CAMK2A: variants seen among roughly 807,000 people sequenced by gnomAD.
CAMK2A encodes the protein calcium/calmodulin-dependent protein kinase type II subunit alpha.
In CAMK2A, 7 loss-of-function variants were observed where a neutral mutation model predicts 79.2. That is an observed-to-expected ratio of 0.09 (90% CI 0.05 to 0.17). The LOEUF is 0.17. Among genes scored for constraint, CAMK2A ranks in the 10% least tolerant of loss-of-function variants. The probability of loss-of-function intolerance (pLI) is 1.00; values close to 1 mark genes in which losing one functional copy is unlikely to be tolerated. For synonymous variants in CAMK2A, 242 were observed against 251.7 expected, an observed-to-expected ratio of 0.96 and a Z score of 0.36; for missense variants, 214 against 646.4, an observed-to-expected ratio of 0.33 and a Z score of 7.25.
At chr5:150,263,863 G>A (rs1359030885) in intron 3 of CAMK2A, among the ~76,000 whole-genome samples, 1 of 152,222 alleles carries the variant, frequency 6.6e-6, no homozygotes, top group Non-Finnish European at 1.5e-5. Context: ...AAACAGGGCT[G>A]CTCCCTGCCA....
chr5:150,239,618 G>A, intron 14 of CAMK2A, 86 bp downstream of exon 14: 1 of 1,291,880 alleles, frequency 7.7e-7, no homozygotes, highest in South Asian at 1.2e-5. Flanking sequence ...CCCGCCCCAG[G>A]TTCCCAGTGC....
intron 2 of CAMK2A, among the ~76,000 whole-genome samples, chr5:150,266,795 A>C (rs1756531721): frequency 1.3e-5 from 2 of 151,598 alleles, no homozygotes; most frequent in African/African-American, 4.8e-5. Context: ...AACTCATGCC[A>C]ACACTCAGAC....
At chr5:150,285,306 T>C (rs1421009100) in intron 1 of CAMK2A, among the ~76,000 whole-genome samples, 1 of 152,136 alleles carries the variant, frequency 6.6e-6, no homozygotes, top group Non-Finnish European at 1.5e-5. Flanking sequence ...CCTTCAGAGA[T>C]GAGCTCATGG....
At chr5:150,231,071 G>A (rs1754817476) in intron 16 of CAMK2A, among the ~76,000 whole-genome samples, 1 of 152,200 alleles carries the variant, frequency 6.6e-6, no homozygotes, top group Non-Finnish European at 1.5e-5. Context: ...AAGATGTGAG[G>A]AGGAGGAAGG....
In CAMK2A at chr5:150,250,229, C is replaced by T; in HGVS notation, c.897G>A (p.Leu299=). 1.9e-6 allele frequency: 3 copies of T among 1,613,322 alleles called. No individual in the cohort carries two copies. The highest frequency in any genetic ancestry group is 2.5e-6 in the Non-Finnish European group (3 of 1,179,298). Residue 299 remains leucine (L), a synonymous_variant, in exon 11 of 19, where the codon CTG becomes CTA. Coordinates refer to ENST00000671881, the MANE Select transcript of CAMK2A (RefSeq NM_015981.4). The part of the protein sequence containing the change: ...CLKKFNARRK[L]KGAILTTMLA... ...GTGGAGGGTGAGGACCTGTTACCTTCAGTTTCCTCCTGGCATTGAACTTCT... is the reference window on the plus strand; with the variant it reads ...GTGGAGGGTGAGGACCTGTTACCTTTAGTTTCCTCCTGGCATTGAACTTCT...
At chr5:150,267,518 C>T (rs1232471295) in intron 2 of CAMK2A, among the ~76,000 whole-genome samples, 1 of 152,170 alleles carries the variant, frequency 6.6e-6, no homozygotes, top group South Asian at 2.1e-4. Flanking sequence ...GCTGGAAATG[C>T]TAGGAACTAA....
At chr5:150,252,967 T>A (rs1464475972) in intron 7 of CAMK2A, among the ~76,000 whole-genome samples, 3 of 152,230 alleles carry the variant, frequency 2.0e-5, no homozygotes, top group Non-Finnish European at 2.9e-5. Flanking sequence ...GAGACCCAGT[T>A]ATACCAAAAT....
rs150780718 is a variant in CAMK2A, at chr5:150,264,621, G to T, written c.217+335C>A. Among the ~76,000 whole-genome samples, 559 of 152,318 alleles carry T rather than the reference G, an allele frequency of 3.7e-3. 4 individuals are homozygous for T. Among genetic ancestry groups the T allele is most frequent in the Middle Eastern group, 6.8e-3 (2 of 294 alleles). ...CCAGGCTGAATCGGCATGGGTGTGG[G>T]TATGGGGAATGGGCCACAGCGGTCA... On this transcript the variant is annotated intron_variant, in intron 3 of 18. Coordinates refer to ENST00000671881, the MANE Select transcript of CAMK2A (RefSeq NM_015981.4).
chr5:150,250,403 T>G (rs1190684210), intron 10 of CAMK2A, 94 bp from the exon 11 acceptor site: 2 of 1,050,908 alleles, frequency 1.9e-6, no homozygotes, highest in East Asian at 4.8e-5. Flanking sequence ...TTAATGGAGG[T>G]GTGGTTGACA....
At chr5:150,286,674 C>T (rs1193061690) in intron 1 of CAMK2A, among the ~76,000 whole-genome samples, 3 of 152,162 alleles carry the variant, frequency 2.0e-5, no homozygotes, top group Non-Finnish European at 2.9e-5. Context: ...CTGGCAGGGA[C>T]GGTGGATCAT....
chr5:150,283,808 G>A (rs998568778), intron 1 of CAMK2A, among the ~76,000 whole-genome samples: 1 of 151,938 alleles, frequency 6.6e-6, no homozygotes, highest in African/African-American at 2.4e-5. Flanking sequence ...ACCTAGGCCT[G>A]GGAACAGAGT....
At chr5:150,260,421 T>C (rs910225149) in intron 3 of CAMK2A, among the ~76,000 whole-genome samples, 6 of 148,466 alleles carry the variant, frequency 4.0e-5, no homozygotes, top group Admixed American at 3.4e-4. Flanking sequence ...ATCACGCTAC[T>C]GCACTCCAGC....
rs576688069 is a variant in CAMK2A at position 150,284,967 on chromosome 5, G to C, written c.62+4597C>G. On this transcript the variant is annotated intron_variant, in intron 1 of 18. Transcript: ENST00000671881. The surrounding 1 kb of genome is among the most constrained non-coding windows in gnomAD (Gnocchi z 5.3). ...TTGCAGGCATCTCCAGAGGTATTAT[G>C]ATCCCCATTTTACAGATGGTAAAGC... is the stretch of plus-strand genomic sequence containing the variant. 8.7e-5 allele frequency among the ~76,000 whole-genome samples: 9 copies of C among 103,018 alleles called. No homozygotes were observed. In the East Asian group the frequency reaches 2.7e-3, roughly 31 times the overall value. The allele number at this position is 103,018 out of a possible 152,430, so 67.6% of individuals were successfully genotyped here. A position where few individuals can be genotyped will look rare whatever the true frequency, so the allele number is the denominator to read the frequency against.
Position 150,221,371 on chromosome 5 carries a change from G to A in CAMK2A, c.*1339C>T, listed in dbSNP as rs1562123634. On this transcript the variant is annotated 3_prime_UTR_variant, in exon 19 of 19. Transcript: ENST00000671881. ...GAAGAGTAGAAATTCCCAGTGCTTT[G>A]CTGTGGTCATCAGACGCCAAGGGGA... 1 of 398,544 alleles carries A rather than the reference G, an allele frequency of 2.5e-6. No homozygotes were observed. The highest frequency in any genetic ancestry group is 3.5e-5 in the East Asian group (1 of 28,176). The allele number at this position is 398,544 out of a possible 1,614,324, so 24.7% of individuals were successfully genotyped here. A position where few individuals can be genotyped will look rare whatever the true frequency, so the allele number is the denominator to read the frequency against.
At chr5:150,279,029 G>A (rs553305715) in intron 1 of CAMK2A, among the ~76,000 whole-genome samples, 28 of 152,236 alleles carry the variant, frequency 1.8e-4, no homozygotes, top group African/African-American at 6.5e-4. Context: ...AGTGAGGGCC[G>A]CAGTCTCTTC....
chr5:150,245,452 G>A (rs1008954120), intron 12 of CAMK2A: 38 of 533,046 alleles, frequency 7.1e-5, no homozygotes, highest in South Asian at 4.7e-4. Context: ...GGCTTCATGG[G>A]TTGAGGGAGG....
intron 16 of CAMK2A, among the ~76,000 whole-genome samples, chr5:150,228,939 G>A (rs925755922): frequency 1.3e-5 from 2 of 152,212 alleles, no homozygotes; most frequent in African/African-American, 4.8e-5. Context: ...ATTTTCAGCT[G>A]TTATTCCCTT....
chr5:150,235,854 T>C (rs148942113), intron 15 of CAMK2A, among the ~76,000 whole-genome samples: 126 of 152,222 alleles, frequency 8.3e-4, no homozygotes, highest in African/African-American at 2.9e-3. Context: ...CCCTGGAAAT[T>C]TTCTCTGAGG....
intron 7 of CAMK2A, among the ~76,000 whole-genome samples, chr5:150,252,947 G>A (rs896669160): frequency 1.3e-5 from 2 of 152,198 alleles, no homozygotes; most frequent in African/African-American, 4.8e-5. Context: ...GTACTCCCAG[G>A]TAGCTTAAAG....
Sources: gnomAD v4.1 joint callset for allele counts (sites outside exome capture counted in the v4.1 genomes callset) on GRCh38, gnomAD v4.1.1 for gene constraint, Gnocchi (gnomAD v3.1) non-coding constraint, MANE v1.5 for transcripts, NCBI Gene and HGNC (gene_info 2026-07-23, HGNC 2026-07-21) for gene names.